The following CERS6 variants were observed in gnomAD, a reference collection of about 807,000 sequenced individuals.
CERS6 encodes ceramide synthase 6, also known as LAG1 homolog, ceramide synthase 6.
CERS6 carries 26 observed loss-of-function variants against 56.8 expected under a neutral mutation model. The ratio of observed to expected loss-of-function variants is 0.46; its 90% CI spans 0.34 to 0.63. The LOEUF is 0.63. Ranked by LOEUF, CERS6 falls within the 30% of genes least tolerant of loss-of-function variation. The pLI is 0.01. For synonymous variants in CERS6, 164 were observed against 173.3 expected (o/e 0.95, Z 0.42); for missense variants, 415 against 467.5 (o/e 0.89, Z 1.04).
At position 168,645,114 on chromosome 2, in the gene CERS6, A is replaced by ATATATAT. The variant is rs1559034012; in HGVS notation, c.465+14072_465+14073insTATATAT. ...TTAAAAAAAAAAAAAAAAAAAAAAA[A>ATATATAT]AAATATATATATATATATATATATA... On this transcript the variant is annotated intron_variant, in intron 4 of 9. Coordinates refer to ENST00000305747, the MANE Select transcript of CERS6 (RefSeq NM_203463.3). 2.3e-4 allele frequency among the ~76,000 whole-genome samples: 8 copies of ATATATAT among 34,358 alleles called. 1 individual carries two copies. Among genetic ancestry groups the ATATATAT allele is most frequent in the Admixed American group, 4.2e-4 (1 of 2,398 alleles). The allele number at this position is 34,358 out of a possible 152,430, so 22.5% of individuals were successfully genotyped here. A position where few individuals can be genotyped will look rare whatever the true frequency, so the allele number is the denominator to read the frequency against.
chr2:168,730,616 T>C (rs1196406622), intron 8 of CERS6, among the ~76,000 whole-genome samples: 16 of 152,216 alleles, frequency 1.1e-4, no homozygotes, highest in African/African-American at 3.9e-4. Context: ...CTCATCAGGC[T>C]TACTGTGTTG....
intron 6 of CERS6, among the ~76,000 whole-genome samples, chr2:168,702,861 A>G (rs992311621): frequency 2.6e-5 from 4 of 152,220 alleles, no homozygotes; most frequent in African/African-American, 4.8e-5. Flanking sequence ...TTCTCCAGCT[A>G]TGTATTATCG....
At position 168,564,559 on chromosome 2, in the gene CERS6, A is replaced by G. The variant is rs570689535; in HGVS notation, c.407+3237A>G. 4.0e-4 allele frequency among the ~76,000 whole-genome samples: 61 copies of G among 152,342 alleles called. No homozygotes were observed. In the South Asian group the frequency reaches 5.2e-3, roughly 13 times the overall value. On this transcript the variant is annotated intron_variant, in intron 3 of 9. Transcript: ENST00000305747. The stretch of plus-strand genomic sequence containing the variant: ...TATTAGGTCCCTGAGCCTGATAACT[A>G]GAATCTGTCTTTTGCTTGTTTAATG...
intron 8 of CERS6, among the ~76,000 whole-genome samples, chr2:168,755,857 G>T (rs1357567669): frequency 6.6e-6 from 1 of 152,180 alleles, no homozygotes; most frequent in Non-Finnish European, 1.5e-5. Context: ...TAATTGATTA[G>T]ACCCAGAAAC....
intron 3 of CERS6, among the ~76,000 whole-genome samples, chr2:168,591,307 C>A (rs1432139901): frequency 1.3e-5 from 2 of 152,184 alleles, no homozygotes. Context: ...TAGAAGATAG[C>A]CCAAATGGCT....
At chr2:168,662,310 T>C (rs1196626622) in intron 4 of CERS6, among the ~76,000 whole-genome samples, 1 of 152,196 alleles carries the variant, frequency 6.6e-6, no homozygotes, top group African/African-American at 2.4e-5. Flanking sequence ...ACAGTAGTCT[T>C]TTTTGGCTAG....
intron 4 of CERS6, among the ~76,000 whole-genome samples, chr2:168,644,921 G>A (rs943964339): frequency 3.3e-5 from 5 of 150,266 alleles, no homozygotes; most frequent in South Asian, 2.1e-4. Flanking sequence ...GGGAAACCCC[G>A]TCTCTATTAA....
intron 4 of CERS6, among the ~76,000 whole-genome samples, chr2:168,673,835 G>A (rs899095169): frequency 2.0e-4 from 30 of 152,198 alleles, no homozygotes; most frequent in Admixed American, 9.2e-4. Context: ...TGCTTTGCAC[G>A]TGTTTGAATT....
chr2:168,629,837 A>G (rs1282479881), intron 3 of CERS6, among the ~76,000 whole-genome samples: 1 of 151,372 alleles, frequency 6.6e-6, no homozygotes. Flanking sequence ...TTTTTTTGAG[A>G]TGGAGTCTCA....
intron 1 of CERS6, among the ~76,000 whole-genome samples, chr2:168,480,520 G>C (rs1354306945): frequency 2.0e-5 from 3 of 152,144 alleles, no homozygotes; most frequent in Non-Finnish European, 2.9e-5. Context: ...ATCATACAGT[G>C]GTGTGATCTT....
intron 3 of CERS6, among the ~76,000 whole-genome samples, chr2:168,624,930 T>G (rs184776353): frequency 6.6e-6 from 1 of 152,334 alleles, no homozygotes; most frequent in East Asian, 1.9e-4. Context: ...TAACACTAGA[T>G]TGAAGTCTAT....
chr2:168,481,828 C>T (rs965780539), intron 1 of CERS6, among the ~76,000 whole-genome samples: 4 of 152,140 alleles, frequency 2.6e-5, no homozygotes, highest in Non-Finnish European at 5.9e-5. Flanking sequence ...ATCTATTATC[C>T]TCTTGTGTCT....
At chr2:168,574,797 T>A (rs1040632007) in intron 3 of CERS6, among the ~76,000 whole-genome samples, 3 of 152,254 alleles carry the variant, frequency 2.0e-5, no homozygotes, top group Non-Finnish European at 4.4e-5. Flanking sequence ...ATTAGTACCA[T>A]GCCTTTTATC....
At chr2:168,532,044 T>G (rs1257216672) in intron 1 of CERS6, among the ~76,000 whole-genome samples, 1 of 152,182 alleles carries the variant, frequency 6.6e-6, no homozygotes, top group African/African-American at 2.4e-5. Flanking sequence ...TTAAACTGCT[T>G]TCCAACAATC....
intron 1 of CERS6, among the ~76,000 whole-genome samples, chr2:168,524,857 T>C (rs1695043247): frequency 6.6e-6 from 1 of 151,266 alleles, no homozygotes; most frequent in African/African-American, 2.4e-5. Context: ...TATATTAATA[T>C]ATATTTTAAC....
chr2:168,663,055 C>T (rs1029978023), intron 4 of CERS6, among the ~76,000 whole-genome samples: 23 of 152,090 alleles, frequency 1.5e-4, no homozygotes, highest in Non-Finnish European at 2.5e-4. Context: ...AGCTAGGACC[C>T]GCTTGAGTTC....
chr2:168,604,906 A>G (rs1235329676), intron 3 of CERS6, among the ~76,000 whole-genome samples: 1 of 152,212 alleles, frequency 6.6e-6, no homozygotes, highest in Non-Finnish European at 1.5e-5. Context: ...GAATGGACTA[A>G]TGCAGAAAAT....
At chr2:168,708,360 A>G (rs941874672) in intron 6 of CERS6, among the ~76,000 whole-genome samples, 1 of 152,134 alleles carries the variant, frequency 6.6e-6, no homozygotes, top group Non-Finnish European at 1.5e-5. Flanking sequence ...AGAAAGGAAA[A>G]CTGTTTGTTA....
At chr2:168,649,336 A>T (rs1156317814) in intron 4 of CERS6, among the ~76,000 whole-genome samples, 1 of 152,136 alleles carries the variant, frequency 6.6e-6, no homozygotes, top group East Asian at 1.9e-4. Flanking sequence ...CCTTATCCAC[A>T]TTCATCACTG....
Sources: gnomAD v4.1 joint callset for allele counts (sites outside exome capture counted in the v4.1 genomes callset) on GRCh38, gnomAD v4.1.1 for gene constraint, MANE v1.5 for transcripts, NCBI Gene and HGNC (gene_info 2026-07-23, HGNC 2026-07-21) for gene names.